SIDT1: variants seen among roughly 807,000 people sequenced by gnomAD.
SIDT1 encodes the protein SID1 transmembrane family, member 1.
Under a neutral mutation model 107.5 loss-of-function variants are expected in SIDT1, and 101 were observed. The observed-to-expected ratio is 0.94, with a 90% CI of 0.80 to 1.11. SIDT1 has a LOEUF of 1.11. Among genes scored for constraint, SIDT1 ranks in the 50% least tolerant of loss-of-function variants. The probability of loss-of-function intolerance (pLI) is 0.00; values close to 1 mark genes in which losing one functional copy is unlikely to be tolerated. For missense variants in SIDT1, 1,076 were observed against 1,058.2 expected (o/e 1.02, Z -0.23); for synonymous variants, 395 against 398.2 (o/e 0.99, Z 0.10).
At chr3:113,590,510 A>G (rs1944068602) in intron 9 of SIDT1, among the ~76,000 whole-genome samples, 1 of 152,238 alleles carries the variant, frequency 6.6e-6, no homozygotes, top group South Asian at 2.1e-4. Context: ...GCCCCTTTAA[A>G]GTATACAATT....
chr3:113,563,669 C>T lies in SIDT1; in HGVS notation c.223-2751C>T, dbSNP rs538385991. Among the ~76,000 whole-genome samples, 4 of 152,298 alleles carry T rather than the reference C, an allele frequency of 2.6e-5. No homozygotes were observed. The East Asian group carries it at 7.7e-4, about 29-fold the overall frequency. On this transcript the variant is annotated intron_variant, in intron 1 of 24. Coordinates refer to ENST00000264852, the MANE Select transcript of SIDT1 (RefSeq NM_017699.3). ...TTCCCAAAAAGGAGAGAGAAGTACCCTTTACATTAAAAGAGACTCAAAAGA... is the reference window on the plus strand; with the variant it reads ...TTCCCAAAAAGGAGAGAGAAGTACCTTTTACATTAAAAGAGACTCAAAAGA...
At position 113,625,442 on chromosome 3, in the gene SIDT1, G is replaced by A. The variant is rs557468983; in HGVS notation, c.2308-660G>A. ...GTGTGAGCCACCACACCCGGCCATA[G>A]CTCTATTTTTAGTTTTTTGAGGAAC... On this transcript the variant is annotated intron_variant, in intron 23 of 24. Transcript: ENST00000264852. Among the ~76,000 whole-genome samples, 3 of 152,144 alleles carry A rather than the reference G, an allele frequency of 2.0e-5. No individual in the cohort carries two copies. The South Asian group carries it at 6.2e-4, about 32-fold the overall frequency.
At chr3:113,610,076 G>A (rs1442652988) in intron 17 of SIDT1, among the ~76,000 whole-genome samples, 1 of 152,084 alleles carries the variant, frequency 6.6e-6, no homozygotes, top group Non-Finnish European at 1.5e-5. Context: ...TTATATCAAG[G>A]ACATGTAGTG....
chr3:113,539,323 C>T (rs1938539502), intron 1 of SIDT1, among the ~76,000 whole-genome samples: 3 of 152,148 alleles, frequency 2.0e-5, no homozygotes. Flanking sequence ...TTCAAGTTGG[C>T]TCCTGAATTC....
intron 1 of SIDT1, among the ~76,000 whole-genome samples, chr3:113,561,836 A>T (rs1195913070): frequency 6.6e-6 from 1 of 152,200 alleles, no homozygotes; most frequent in African/African-American, 2.4e-5. Flanking sequence ...AAAAAGATGG[A>T]AGGAAATCCC....
At chr3:113,626,786 C>T (rs1946881407) in intron 24 of SIDT1, among the ~76,000 whole-genome samples, 1 of 152,172 alleles carries the variant, frequency 6.6e-6, no homozygotes, top group Non-Finnish European at 1.5e-5. Context: ...TAGTTCCATC[C>T]TTTAATCCTA....
At position 113,584,688 on chromosome 3, in the gene SIDT1, T is replaced by C. The variant is rs755792642; in HGVS notation, c.836-10T>C. 1 of 1,586,280 alleles carries C rather than the reference T, an allele frequency of 6.3e-7. No individual in the cohort carries two copies. The highest frequency in any genetic ancestry group is 8.6e-7 in the Non-Finnish European group (1 of 1,166,300). On this transcript the variant is annotated splice_polypyrimidine_tract_variant and intron_variant, in intron 7 of 24. Coordinates refer to ENST00000264852, the MANE Select transcript of SIDT1 (RefSeq NM_017699.3). ...TGTGCTTTGTTCTTTTTTTATTTTTTTTAAACCAGAAAAGGAAAACCAGAC... is the reference window on the plus strand; with the variant it reads ...TGTGCTTTGTTCTTTTTTTATTTTTCTTAAACCAGAAAAGGAAAACCAGAC...
At chr3:113,582,791 T>A (rs1943460417) in intron 6 of SIDT1, among the ~76,000 whole-genome samples, 2 of 151,948 alleles carry the variant, frequency 1.3e-5, no homozygotes, top group South Asian at 4.2e-4. Context: ...ATAAAAAAAA[T>A]AAATAAATAA....
intron 10 of SIDT1, among the ~76,000 whole-genome samples, chr3:113,595,351 T>A (rs1346043946): frequency 2.6e-5 from 4 of 152,110 alleles, no homozygotes; most frequent in Non-Finnish European, 5.9e-5. Context: ...GGTTGGAGGA[T>A]TGTTTGGGCC....
intron 19 of SIDT1, among the ~76,000 whole-genome samples, chr3:113,615,295 C>G (rs190220449): frequency 6.6e-6 from 1 of 152,178 alleles, no homozygotes; most frequent in Admixed American, 6.5e-5. Context: ...TTTCTCCCTC[C>G]TGGTTAAACT....
chr3:113,584,903 A>AAAAAAG, intron 8 of SIDT1, 134 bp downstream of exon 8: 1 of 708,292 alleles, frequency 1.4e-6, no homozygotes, highest in East Asian at 2.7e-5. Context: ...AGAAATAGAA[A>AAAAAAG]AGGGAGTCAG....
At chr3:113,583,159 T>C (rs1014031118) in intron 6 of SIDT1, among the ~76,000 whole-genome samples, 12 of 152,220 alleles carry the variant, frequency 7.9e-5, no homozygotes, top group Non-Finnish European at 1.6e-4. Flanking sequence ...AGCTCTCAAA[T>C]AGGCACAAAA....
intron 19 of SIDT1, among the ~76,000 whole-genome samples, chr3:113,613,799 AT>A (rs953952439): frequency 1.3e-5 from 2 of 152,240 alleles, no homozygotes; most frequent in African/African-American, 4.8e-5. Flanking sequence ...GCTTTAATAT[AT>A]TTATACCACC....
chr3:113,608,735 A>G (rs1003458544), intron 17 of SIDT1, among the ~76,000 whole-genome samples, 199 bp downstream of exon 17: 1 of 152,204 alleles, frequency 6.6e-6, no homozygotes, highest in Non-Finnish European at 1.5e-5. Context: ...GGAGAACCCA[A>G]TTTATGCTGG....
chr3:113,608,156 T>G lies in SIDT1; in HGVS notation c.1541T>G (p.Ile514Arg). Residue 514 changes from isoleucine to arginine, a missense_variant, in exon 16 of 25, where the codon ATA becomes AGA. Coordinates refer to ENST00000264852, the MANE Select transcript of SIDT1 (RefSeq NM_017699.3). The stretch of plus-strand genomic sequence containing the variant: ...CTTCTGGGCTTCCTCTTCCTGCTGA[T>G]AGTCTTGCGCCGCGACATCCTCCAT... ...HVLLGFLFLLIVLRRDILHRR... is the reference protein window; with the variant it reads ...HVLLGFLFLLRVLRRDILHRR... 2 of 1,612,642 alleles carry G rather than the reference T, an allele frequency of 1.2e-6. No individual in the cohort carries two copies. Among genetic ancestry groups the G allele is most frequent in the Non-Finnish European group, 1.7e-6 (2 of 1,179,444 alleles).
intron 6 of SIDT1, 143 bp downstream of exon 6, chr3:113,581,587 G>A: frequency 2.9e-6 from 2 of 683,952 alleles, no homozygotes; most frequent in Non-Finnish European, 5.1e-6. Context: ...AAACTAATAT[G>A]TCTGGCCAGG....
At chr3:113,600,041 G>A (rs987936940) in intron 10 of SIDT1, among the ~76,000 whole-genome samples, 1 of 152,052 alleles carries the variant, frequency 6.6e-6, no homozygotes, top group African/African-American at 2.4e-5. Context: ...CAAGCATGGT[G>A]GCTCACGCCT....
Position 113,608,482 on chromosome 3 carries a change from G to A in SIDT1, c.1666G>A (p.Gly556Arg). ...YAMGIALMME[G>R]VLSACYHVCP... is the part of the protein sequence containing the mutation. ...TATGGGCATTGCATTGATGATGGAA[G>A]GGGTGCTCAGTGCTTGCTACCATGT... Residue 556 changes from glycine (G) to arginine (R), a missense_variant, in exon 17 of 25, where the codon GGG becomes AGG. Physicochemically the swap from Gly to Arg is moderately radical, Grantham distance 125. Transcript: ENST00000264852. The A allele has an allele frequency of 6.2e-7, 1 of 1,614,098 alleles. No homozygotes were observed. The highest frequency in any genetic ancestry group is 8.5e-7 in the Non-Finnish European group (1 of 1,179,992).
intron 24 of SIDT1, among the ~76,000 whole-genome samples, chr3:113,626,737 T>G (rs1048308868): frequency 3.3e-5 from 5 of 152,212 alleles, no homozygotes; most frequent in Admixed American, 3.3e-4. Flanking sequence ...CCCCAACCCT[T>G]TCTCAGAAGC....
Sources: allele counts gnomAD v4.1 joint callset (sites outside exome capture counted in the v4.1 genomes callset), GRCh38; gene constraint gnomAD v4.1.1; transcripts MANE v1.5; gene names NCBI Gene and HGNC (gene_info 2026-07-23, HGNC 2026-07-21).